SEMA3C: variants seen among roughly 807,000 people sequenced by gnomAD.
SEMA3C encodes the protein semaphorin 3C, also known as semaphorin-3C.
SEMA3C carries 47 observed loss-of-function variants against 89.4 expected under a neutral mutation model. The observed-to-expected ratio is 0.53, with a 90% confidence interval of 0.42 to 0.67. SEMA3C has a LOEUF of 0.67. SEMA3C is among the 30% of genes least tolerant of loss of function. SEMA3C has a pLI of 0.00. For synonymous variants in SEMA3C, 310 were observed against 320.2 expected, an observed-to-expected ratio of 0.97 and a Z score of 0.34; for missense variants, 839 against 929.1, an observed-to-expected ratio of 0.90 and a Z score of 1.26.
rs748225370 is a variant in SEMA3C, at chr7:80,805,676, C to A, written c.621G>T (p.Ala207=). Residue 207 remains alanine, a synonymous_variant, in exon 7 of 18, where the codon GCG becomes GCT. Transcript: ENST00000265361. ...AIFRSLTKRN[A]VRTDQHNSKW... ...TGGAATTATGTTGATCAGTTCTGAC[C>A]GCATTCCTCTTGGTTAAACTTCGAA... is the stretch of plus-strand genomic sequence containing the variant. 1 of 1,611,430 alleles carries A rather than the reference C, an allele frequency of 6.2e-7. No individual in the cohort carries two copies. The highest frequency in any genetic ancestry group is 2.2e-5 in the East Asian group (1 of 44,684).
intron 7 of SEMA3C, among the ~76,000 whole-genome samples, chr7:80,805,051 A>C (rs1789305741): frequency 6.6e-6 from 1 of 151,988 alleles, no homozygotes; most frequent in Non-Finnish European, 1.5e-5. Flanking sequence ...ACCTTTTTTG[A>C]TGTGAATTCC....
chr7:80,766,814 G>A (rs1788315259), intron 12 of SEMA3C, among the ~76,000 whole-genome samples: 1 of 152,140 alleles, frequency 6.6e-6, no homozygotes, highest in Admixed American at 6.5e-5. Context: ...CAGGCAAAAT[G>A]GGAGAGTTTT....
At chr7:80,862,564 C>A (rs933080825) in intron 2 of SEMA3C, among the ~76,000 whole-genome samples, 8 of 152,114 alleles carry the variant, frequency 5.3e-5, no homozygotes, top group African/African-American at 1.9e-4. Context: ...ATACCACCAT[C>A]ATTCTTCACA....
chr7:80,808,719 G>C (rs1023669863), intron 6 of SEMA3C, among the ~76,000 whole-genome samples: 2 of 152,016 alleles, frequency 1.3e-5, no homozygotes, highest in Non-Finnish European at 2.9e-5. Context: ...AAAGCAAAGA[G>C]GAAAAGACGT....
intron 12 of SEMA3C, among the ~76,000 whole-genome samples, chr7:80,765,888 A>G (rs1253995169): frequency 6.6e-6 from 1 of 152,138 alleles, no homozygotes; most frequent in Non-Finnish European, 1.5e-5. Flanking sequence ...CCAATACATA[A>G]GTTTAAGTTT....
chr7:80,855,114 A>G (rs1456352442), intron 2 of SEMA3C, among the ~76,000 whole-genome samples: 2 of 152,152 alleles, frequency 1.3e-5, no homozygotes, highest in East Asian at 3.9e-4. Flanking sequence ...CATCTCATTT[A>G]ACATTCACAA....
intron 12 of SEMA3C, among the ~76,000 whole-genome samples, chr7:80,788,766 A>T (rs1199062864): frequency 2.0e-5 from 3 of 152,172 alleles, no homozygotes; most frequent in African/African-American, 7.2e-5. Context: ...GTTATCTGTC[A>T]TTATCATTAT....
chr7:80,905,332 G>T (rs987736170), intron 2 of SEMA3C, among the ~76,000 whole-genome samples: 2 of 122,686 alleles, frequency 1.6e-5, no homozygotes, highest in Non-Finnish European at 3.4e-5. Context: ...GAGGGGGAGG[G>T]GTGGAGAGAG....
rs141176047 is a variant in SEMA3C at position 80,912,373 on chromosome 7, C to T, written c.103+4306G>A. On this transcript the variant is annotated intron_variant, in intron 2 of 17. Coordinates refer to ENST00000265361, the MANE Select transcript of SEMA3C (RefSeq NM_006379.5). Reference sequence around the variant, plus strand: ...CATATTACAGGGGAAAATAGACATACGAGGCTACATTTCTTAGCAATTCTT... The same window carrying T: ...CATATTACAGGGGAAAATAGACATATGAGGCTACATTTCTTAGCAATTCTT... Among the ~76,000 whole-genome samples, 230 of 152,144 alleles carry T rather than the reference C, an allele frequency of 1.5e-3. 1 individual carries two copies. The East Asian group carries it at 0.021, about 14-fold the overall frequency.
rs1788268290 is a variant in SEMA3C, at chr7:80,765,159, A to C, written c.1439T>G (p.Phe480Cys). The C allele has an allele frequency of 6.2e-7, 1 of 1,611,970 alleles. No homozygotes were observed. The highest frequency in any genetic ancestry group is 1.7e-5 in the Admixed American group (1 of 59,780). ...TAATAGAAGAGATGTTCAAACCTTA[A>C]AGACTTCCAGCTCCTCCAGAATGAG... Reference protein sequence around the residue: ...GELILEELEVFKNHAPITTMK... With the variant: ...GELILEELEVCKNHAPITTMK... The change falls in exon 13 of 18, where the codon TTT (phenylalanine) becomes TGT (cysteine). Residue 480 changes from phenylalanine to cysteine, a missense_variant. Transcript: ENST00000265361.
chr7:80,790,418 T>A (rs1788910140), intron 11 of SEMA3C, among the ~76,000 whole-genome samples: 1 of 152,122 alleles, frequency 6.6e-6, no homozygotes, highest in African/African-American at 2.4e-5. Flanking sequence ...TTAAATTAAA[T>A]CTGGTAACTC....
intron 14 of SEMA3C, among the ~76,000 whole-genome samples, chr7:80,759,403 C>T (rs2117049409): frequency 6.6e-6 from 1 of 152,190 alleles, no homozygotes; most frequent in East Asian, 1.9e-4. Flanking sequence ...CACCATGGGC[C>T]CGCCAGGCTC....
At chr7:80,849,586 A>C (rs183363471) in intron 2 of SEMA3C, among the ~76,000 whole-genome samples, 339 of 152,290 alleles carry the variant, frequency 2.2e-3, no homozygotes, top group African/African-American at 7.6e-3. Flanking sequence ...AAACACTATA[A>C]GTGAGGGTAC....
At chr7:80,802,621 C>A in intron 9 of SEMA3C, 44 bp downstream of exon 9, 1 of 1,321,114 alleles carries the variant, frequency 7.6e-7, no homozygotes, top group Non-Finnish European at 1.1e-6. Context: ...ATAAACTTTA[C>A]AAGCCTTCTT....
intron 2 of SEMA3C, among the ~76,000 whole-genome samples, chr7:80,844,410 G>T (rs574626045): frequency 1.3e-5 from 2 of 152,112 alleles, no homozygotes; most frequent in African/African-American, 2.4e-5. Flanking sequence ...AGTCCTACCT[G>T]GTATACAGTG....
At chr7:80,854,962 C>T (rs1790603701) in intron 2 of SEMA3C, among the ~76,000 whole-genome samples, 1 of 152,156 alleles carries the variant, frequency 6.6e-6, no homozygotes, top group Non-Finnish European at 1.5e-5. Flanking sequence ...TTGAAGCTAT[C>T]TTGGAAGGCC....
intron 2 of SEMA3C, among the ~76,000 whole-genome samples, chr7:80,887,099 A>G (rs535500308): frequency 1.5e-4 from 23 of 152,304 alleles, no homozygotes; most frequent in Admixed American, 3.9e-4. Flanking sequence ...TATTCCCTTA[A>G]AAGATTTCTA....
At chr7:80,815,557 A>G (rs1789584753) in intron 5 of SEMA3C, among the ~76,000 whole-genome samples, 1 of 148,544 alleles carries the variant, frequency 6.7e-6, no homozygotes, top group Non-Finnish European at 1.5e-5. Context: ...AAATGGGCAA[A>G]AAAAAAAAAA....
chr7:80,885,608 C>T (rs982306653), intron 2 of SEMA3C, among the ~76,000 whole-genome samples: 4 of 152,086 alleles, frequency 2.6e-5, no homozygotes, highest in Admixed American at 2.6e-4. Flanking sequence ...CACAGTGAGA[C>T]CCTATCTCAA....
Sources: allele counts gnomAD v4.1 joint callset (sites outside exome capture counted in the v4.1 genomes callset), GRCh38; gene constraint gnomAD v4.1.1; transcripts MANE v1.5; gene names NCBI Gene and HGNC (gene_info 2026-07-23, HGNC 2026-07-21).